Variants in TAFA2 observed in about 807,000 individuals in gnomAD.
TAFA2 encodes chemokine-like protein TAFA-2.
Under a neutral mutation model 18.8 loss-of-function variants are expected in TAFA2, and 7 were observed. The observed-to-expected ratio is 0.37, with a 90% CI of 0.21 to 0.70. The LOEUF (loss-of-function observed/expected upper bound fraction) is 0.70. Among genes scored for constraint, TAFA2 ranks in the 30% least tolerant of loss-of-function variants. The pLI is 0.53. For synonymous variants in TAFA2, 60 were observed against 54.2 expected (o/e 1.11, Z -0.47); for missense variants, 122 against 158.1 (o/e 0.77, Z 1.23).
intron 1 of TAFA2, among the ~76,000 whole-genome samples, chr12:61,881,264 T>A (rs1339032134): frequency 6.6e-6 from 1 of 152,142 alleles, no homozygotes; most frequent in Non-Finnish European, 1.5e-5. Context: ...GGATACATTC[T>A]GAGAAATGCA....
At chr12:61,832,434 G>A (rs533264799) in intron 2 of TAFA2, among the ~76,000 whole-genome samples, 3 of 152,140 alleles carry the variant, frequency 2.0e-5, no homozygotes, top group East Asian at 1.9e-4. Flanking sequence ...CACTAGACAT[G>A]TGAACGACCT....
rs149440814 is a variant in TAFA2 at position 62,124,775 on chromosome 12, G to A, written c.-2+66484C>T. Among the ~76,000 whole-genome samples, 84 of 152,122 alleles carry A rather than the reference G, an allele frequency of 5.5e-4. 1 individual carries two copies. Among genetic ancestry groups the A allele is most frequent in the Non-Finnish European group, 8.8e-4 (60 of 68,000 alleles). ...TCTTGCAGAATCGTCAAATACACAGGGAATTGGATATTCCACGGCTTAGAA... is the reference window on the plus strand; with the variant it reads ...TCTTGCAGAATCGTCAAATACACAGAGAATTGGATATTCCACGGCTTAGAA... On this transcript the variant is annotated intron_variant, in intron 1 of 4. Transcript: ENST00000416284.
rs182887478 is a variant in TAFA2 at position 61,822,471 on chromosome 12, C to T, written c.106+44849G>A. On this transcript the variant is annotated intron_variant, in intron 2 of 4. Coordinates refer to ENST00000416284, the MANE Select transcript of TAFA2 (RefSeq NM_178539.5). ...CCTAAATATTCTGTCAGAATAGAAA[C>T]GCAACTGTGAAGTATCAAAATGCAT... Among the ~76,000 whole-genome samples, 164 of 152,214 alleles carry T rather than the reference C, an allele frequency of 1.1e-3. 1 individual carries two copies. The East Asian group carries it at 0.012, about 11-fold the overall frequency.
chr12:62,242,645 T>G (rs1201293761), intron 1 of TAFA2: 2 of 152,268 alleles, frequency 1.3e-5, no homozygotes, highest in Non-Finnish European at 2.9e-5. Flanking sequence ...AGCTAAAGTT[T>G]TTATGTTCCC....
intron 1 of TAFA2, among the ~76,000 whole-genome samples, chr12:62,027,230 C>T (rs2136740118): frequency 6.6e-6 from 1 of 152,228 alleles, no homozygotes; most frequent in South Asian, 2.1e-4. Flanking sequence ...TTGAAATGCA[C>T]TTGTGTGATT....
At chr12:62,035,889 G>C (rs1178888616) in intron 1 of TAFA2, among the ~76,000 whole-genome samples, 2 of 151,280 alleles carry the variant, frequency 1.3e-5, no homozygotes, top group Admixed American at 6.6e-5. Flanking sequence ...CTACAGGCGC[G>C]CGCCACCATG....
chr12:62,005,719 T>C (rs1410664544), intron 1 of TAFA2, among the ~76,000 whole-genome samples: 1 of 152,122 alleles, frequency 6.6e-6, no homozygotes, highest in African/African-American at 2.4e-5. Flanking sequence ...CTCTCTGTCA[T>C]CCTGCTTTCT....
At chr12:61,888,237 C>A (rs1592462437) in intron 1 of TAFA2, among the ~76,000 whole-genome samples, 1 of 152,234 alleles carries the variant, frequency 6.6e-6, no homozygotes, top group East Asian at 1.9e-4. Flanking sequence ...TGGGTATATA[C>A]CCAAAGGACT....
intron 1 of TAFA2, among the ~76,000 whole-genome samples, chr12:61,930,094 A>T (rs1376581486): frequency 6.6e-6 from 1 of 152,144 alleles, no homozygotes; most frequent in Non-Finnish European, 1.5e-5. Context: ...AACATGGCAC[A>T]TGTATACATA....
intron 1 of TAFA2, among the ~76,000 whole-genome samples, chr12:61,945,967 A>G (rs1878250559): frequency 7.2e-6 from 1 of 138,252 alleles, no homozygotes; most frequent in South Asian, 2.3e-4. Flanking sequence ...TTTAAAGTTC[A>G]TATGGAACCA....
Position 61,994,999 on chromosome 12 carries a change from C to T in TAFA2, c.-1-127573G>A, listed in dbSNP as rs557051868. On this transcript the variant is annotated intron_variant, in intron 1 of 4. Coordinates refer to ENST00000416284, the MANE Select transcript of TAFA2 (RefSeq NM_178539.5). ...ACTGCAACTGCCCCCTAACTGTCTG[C>T]CTGTCTCATATTTCTCCAATTAGCC... Among the ~76,000 whole-genome samples, 5 of 152,242 alleles carry T rather than the reference C, an allele frequency of 3.3e-5. No individual in the cohort carries two copies. In the South Asian group the frequency reaches 1.0e-3, roughly 32 times the overall value.
At chr12:61,790,940 T>C (rs1172992140) in intron 2 of TAFA2, among the ~76,000 whole-genome samples, 2 of 151,756 alleles carry the variant, frequency 1.3e-5, no homozygotes, top group African/African-American at 2.4e-5. Context: ...AGAGGCATCA[T>C]ATTACCTGAT....
chr12:62,176,085 A>G (rs2062511429), intron 1 of TAFA2, among the ~76,000 whole-genome samples: 1 of 152,166 alleles, frequency 6.6e-6, no homozygotes, highest in South Asian at 2.1e-4. Context: ...CAATACCATC[A>G]TATTACACCA....
chr12:61,950,811 G>A (rs1233041813), intron 1 of TAFA2, among the ~76,000 whole-genome samples: 1 of 152,114 alleles, frequency 6.6e-6, no homozygotes, highest in African/African-American at 2.4e-5. Context: ...ATAATAACCA[G>A]TAGATAGTAG....
At chr12:62,047,654 C>T (rs1275536067) in intron 1 of TAFA2, among the ~76,000 whole-genome samples, 1 of 152,044 alleles carries the variant, frequency 6.6e-6, no homozygotes, top group Admixed American at 6.6e-5. Flanking sequence ...AAAACCTAAC[C>T]ATGTAATTAA....
At chr12:61,885,730 A>C (rs1187510796) in intron 1 of TAFA2, among the ~76,000 whole-genome samples, 1 of 152,194 alleles carries the variant, frequency 6.6e-6, no homozygotes, top group Admixed American at 6.5e-5. Flanking sequence ...AAACAGAAAT[A>C]ATTTGAAGTT....
intron 1 of TAFA2, among the ~76,000 whole-genome samples, chr12:61,968,797 C>T (rs1160054190): frequency 6.6e-6 from 1 of 151,548 alleles, no homozygotes; most frequent in Non-Finnish European, 1.5e-5. Flanking sequence ...GAAACTTGCC[C>T]CAGAGTTCAT....
rs80143830 is a variant in TAFA2 at position 61,915,150 on chromosome 12, G to C, written c.-1-47724C>G. Among the ~76,000 whole-genome samples, 1,131 of 152,252 alleles carry C rather than the reference G, an allele frequency of 7.4e-3. 11 individuals are homozygous for C. Among genetic ancestry groups the C allele is most frequent in the African/African-American group, 0.026 (1,092 of 41,526 alleles). ...CTCTCCAGCCCGGGCAACAGAGCGA[G>C]ACTCCATCTCAAAATAAAAATTAAA... On this transcript the variant is annotated intron_variant, in intron 1 of 4. Coordinates refer to ENST00000416284, the MANE Select transcript of TAFA2 (RefSeq NM_178539.5).
At chr12:62,089,761 A>T (rs894992698) in intron 1 of TAFA2, among the ~76,000 whole-genome samples, 1 of 152,112 alleles carries the variant, frequency 6.6e-6, no homozygotes, top group Admixed American at 6.6e-5. Flanking sequence ...GAGTCATTGG[A>T]TTAGAAGGCT....
Sources: allele counts gnomAD v4.1 joint callset (sites outside exome capture counted in the v4.1 genomes callset), GRCh38; gene constraint gnomAD v4.1.1; transcripts MANE v1.5; gene names NCBI Gene and HGNC (gene_info 2026-07-23, HGNC 2026-07-21).